Variants in TSPAN12 observed in about 807,000 individuals in gnomAD.
TSPAN12 encodes the protein tetraspanin-12.
In TSPAN12, 19 loss-of-function variants were observed where a neutral mutation model predicts 39.2. The ratio of observed to expected loss-of-function variants is 0.49; its 90% CI spans 0.34 to 0.71. The LOEUF (loss-of-function observed/expected upper bound fraction) is 0.71. Ranked by LOEUF, TSPAN12 falls within the 30% of genes least tolerant of loss-of-function variation. The pLI is 0.01. For missense variants in TSPAN12, 314 were observed against 359.9 expected, an observed-to-expected ratio of 0.87 and a Z score of 1.03; for synonymous variants, 119 against 124.8, an observed-to-expected ratio of 0.95 and a Z score of 0.31.
rs550124561 is a variant in TSPAN12, at chr7:120,854,805, A to G, written c.66+1893T>C. Among the ~76,000 whole-genome samples the G allele has an allele frequency of 2.9e-4, 44 of 152,354 alleles. 1 individual carries two copies. The South Asian group carries it at 8.5e-3, about 29-fold the overall frequency. On this transcript the variant is annotated intron_variant, in intron 2 of 7. Transcript: ENST00000222747. ...AACAAAATAAAGAAAAACGTATACA[A>G]GATGCTTAACCTGGATTATTTTGTT...
chr7:120,790,972 A>C (rs1191713260), intron 7 of TSPAN12, among the ~76,000 whole-genome samples: 4 of 152,160 alleles, frequency 2.6e-5, no homozygotes, highest in African/African-American at 9.7e-5. Flanking sequence ...ATGGACTTTT[A>C]GTGAATAATT....
At chr7:120,815,574 G>T (rs1284766949) in intron 5 of TSPAN12, among the ~76,000 whole-genome samples, 155 bp downstream of exon 5, 5 of 152,146 alleles carry the variant, frequency 3.3e-5, no homozygotes, top group African/African-American at 4.8e-5. Context: ...AGTTTCCTGA[G>T]GCCTCCCCAG....
At chr7:120,847,013 G>C (rs1230285814) in intron 2 of TSPAN12, among the ~76,000 whole-genome samples, 1 of 152,172 alleles carries the variant, frequency 6.6e-6, no homozygotes, top group Non-Finnish European at 1.5e-5. Flanking sequence ...GGAAAAAGCA[G>C]GCAGGGGTGA....
chr7:120,844,688 G>A (rs945383767), intron 2 of TSPAN12, among the ~76,000 whole-genome samples: 1 of 152,222 alleles, frequency 6.6e-6, no homozygotes, highest in Admixed American at 6.5e-5. Context: ...GCTTTGGGCA[G>A]CTCTATCCCT....
chr7:120,838,339 A>C (rs528287146), intron 4 of TSPAN12, among the ~76,000 whole-genome samples: 1 of 152,328 alleles, frequency 6.6e-6, no homozygotes, highest in African/African-American at 2.4e-5. Context: ...TATGTTCTCT[A>C]AACTATATAA....
intron 2 of TSPAN12, among the ~76,000 whole-genome samples, chr7:120,851,584 C>T (rs1794769854): frequency 1.3e-5 from 2 of 152,018 alleles, no homozygotes; most frequent in South Asian, 4.1e-4. Context: ...TAGAAAATTA[C>T]CATCTAAGAA....
chr7:120,796,177 C>G (rs997055619), intron 7 of TSPAN12, among the ~76,000 whole-genome samples: 2 of 152,132 alleles, frequency 1.3e-5, no homozygotes, highest in Admixed American at 1.3e-4. Context: ...ATTCACAAAC[C>G]CCTCCTGCAA....
At chr7:120,809,185 G>T (rs1351192320) in intron 6 of TSPAN12, among the ~76,000 whole-genome samples, 1 of 151,980 alleles carries the variant, frequency 6.6e-6, no homozygotes, top group African/African-American at 2.4e-5. Context: ...AAAAATAAGT[G>T]TGCTATCATT....
chr7:120,842,049 T>C (rs911640202), intron 2 of TSPAN12, among the ~76,000 whole-genome samples: 4 of 152,216 alleles, frequency 2.6e-5, no homozygotes, highest in Non-Finnish European at 4.4e-5. Flanking sequence ...CCCTGATTTT[T>C]AATAATTTCT....
At chr7:120,827,856 A>G (rs1053108741) in intron 4 of TSPAN12, among the ~76,000 whole-genome samples, 4 of 152,198 alleles carry the variant, frequency 2.6e-5, no homozygotes, top group African/African-American at 9.6e-5. Context: ...GAGGCTGAAA[A>G]ATCGCTGCAG....
chr7:120,810,678 T>A (rs1379934255), intron 5 of TSPAN12, 108 bp from the exon 6 acceptor site: 5 of 738,250 alleles, frequency 6.8e-6, no homozygotes, highest in Non-Finnish European at 1.2e-5. Flanking sequence ...ACTCGGAATG[T>A]CTTCTAATTG....
intron 4 of TSPAN12, among the ~76,000 whole-genome samples, chr7:120,816,527 G>C (rs538431025): frequency 6.6e-6 from 1 of 152,216 alleles, no homozygotes; most frequent in Admixed American, 6.5e-5. Flanking sequence ...ATGAACAAGT[G>C]TGCAGAGTCA....
chr7:120,805,052 A>T (rs1358002510), intron 7 of TSPAN12, among the ~76,000 whole-genome samples: 1 of 152,010 alleles, frequency 6.6e-6, no homozygotes, highest in Non-Finnish European at 1.5e-5. Flanking sequence ...TGTCAGAGCC[A>T]CTCAGTTTGT....
Position 120,814,417 on chromosome 7 carries a change from G to C in TSPAN12, c.360+1312C>G, listed in dbSNP as rs1237345990. Among the ~76,000 whole-genome samples, 8 of 152,212 alleles carry C rather than the reference G, an allele frequency of 5.3e-5. No homozygotes were observed. The East Asian group carries it at 5.8e-4, about 11-fold the overall frequency. ...CACATCTGGGCTGGAGCCCAATAAC[G>C]CATATTTTTAAGAATCATCCTGGGT... On this transcript the variant is annotated intron_variant, in intron 5 of 7. Coordinates refer to ENST00000222747, the MANE Select transcript of TSPAN12 (RefSeq NM_012338.4).
At chr7:120,815,308 G>A (rs1794058265) in intron 5 of TSPAN12, among the ~76,000 whole-genome samples, 1 of 152,110 alleles carries the variant, frequency 6.6e-6, no homozygotes, top group Admixed American at 6.6e-5. Flanking sequence ...GTATTGATAT[G>A]GTTAGGCTTT....
intron 4 of TSPAN12, among the ~76,000 whole-genome samples, chr7:120,834,884 C>T (rs545989268): frequency 1.6e-4 from 24 of 152,286 alleles, no homozygotes; most frequent in African/African-American, 4.8e-4. Context: ...TACATCATGT[C>T]GCATTCTGCA....
intron 7 of TSPAN12, among the ~76,000 whole-genome samples, chr7:120,800,000 G>A (rs1793734127): frequency 1.3e-5 from 2 of 150,722 alleles, no homozygotes; most frequent in Admixed American, 6.7e-5. Flanking sequence ...CAGACATACT[G>A]TATTGGCTCA....
At chr7:120,841,393 C>T (rs990523486) in intron 2 of TSPAN12, among the ~76,000 whole-genome samples, 1 of 151,910 alleles carries the variant, frequency 6.6e-6, no homozygotes, top group Non-Finnish European at 1.5e-5. Flanking sequence ...AAATGACCTG[C>T]TTTCTTGAAT....
intron 6 of TSPAN12, among the ~76,000 whole-genome samples, chr7:120,807,863 A>G (rs1793905579): frequency 6.6e-6 from 1 of 152,144 alleles, no homozygotes; most frequent in Non-Finnish European, 1.5e-5. Context: ...AGAAACTTAA[A>G]AAATACTTTA....
Sources: allele counts gnomAD v4.1 joint callset (sites outside exome capture counted in the v4.1 genomes callset), GRCh38; gene constraint gnomAD v4.1.1; transcripts MANE v1.5; gene names NCBI Gene and HGNC (gene_info 2026-07-23, HGNC 2026-07-21).